The following NAV3 variants were observed in gnomAD, a reference collection of about 807,000 sequenced individuals.
NAV3 encodes pore membrane and/or filament interacting like protein 1.
In NAV3, 87 loss-of-function variants were observed where a neutral mutation model predicts 244.7. That is an observed-to-expected ratio of 0.36 (90% confidence interval 0.30 to 0.42). NAV3 has a LOEUF of 0.42. Ranked by LOEUF, NAV3 falls within the 20% of genes least tolerant of loss-of-function variation. The pLI is 1.00. For missense variants in NAV3, 2,663 were observed against 2,893.3 expected, an observed-to-expected ratio of 0.92 and a Z score of 1.83; for synonymous variants, 1,126 against 1,042.2, an observed-to-expected ratio of 1.08 and a Z score of -1.55.
chr12:77,780,706 T>A (rs1264174479), intron 2 of NAV3, among the ~76,000 whole-genome samples: 2 of 152,178 alleles, frequency 1.3e-5, no homozygotes, highest in Non-Finnish European at 2.9e-5. Context: ...AAAAAGATGG[T>A]TCCCAGGCCC....
rs562966167 is a variant in NAV3 at position 77,734,885 on chromosome 12, G to A, written c.72+162619G>A. Among the ~76,000 whole-genome samples the A allele has an allele frequency of 6.4e-4, 98 of 152,288 alleles. 1 individual carries two copies. The highest frequency in any genetic ancestry group is 2.1e-3 in the African/African-American group (89 of 41,568). On this transcript the variant is annotated intron_variant, in intron 2 of 8. Coordinates refer to the NAV3 transcript ENST00000550042. ...ACAGAATTACTACTGAAGGGCAGGA[G>A]CAAGGTTATTTCCTTCATTTGCTTT...
intron 2 of NAV3, among the ~76,000 whole-genome samples, chr12:77,702,841 T>TAGTCTGTATTTCATATA: frequency 6.6e-6 from 1 of 151,532 alleles, no homozygotes; most frequent in Non-Finnish European, 1.5e-5. Context: ...ATTTTGTATT[T>TAGTCTGTATTTCATATA]GCCTCTATAT....
At chr12:77,828,227 GTC>G (rs967107345), upstream of NAV3, among the ~76,000 whole-genome samples, 2 of 152,086 alleles carry the variant, frequency 1.3e-5, no homozygotes, top group African/African-American at 2.4e-5. Context: ...GGCCCTTTCT[GTC>G]TCTCTTATAT....
At chr12:78,044,767 C>T (rs564677931) in intron 9 of NAV3, among the ~76,000 whole-genome samples, 1 of 152,018 alleles carries the variant, frequency 6.6e-6, no homozygotes, top group Non-Finnish European at 1.5e-5. Flanking sequence ...TTGTGATTTT[C>T]GCATGTTGAT....
chr12:77,828,014 C>A (rs1420360551), upstream of NAV3, among the ~76,000 whole-genome samples: 1 of 152,114 alleles, frequency 6.6e-6, no homozygotes, highest in Non-Finnish European at 1.5e-5. Flanking sequence ...AGACCTTTCC[C>A]TCTCCCTCGT....
At chr12:78,013,052 C>T (rs1440087320) in intron 8 of NAV3, among the ~76,000 whole-genome samples, 1 of 152,124 alleles carries the variant, frequency 6.6e-6, no homozygotes, top group Non-Finnish European at 1.5e-5. Flanking sequence ...TCTGAAGTCT[C>T]TCACTTCCTA....
intron 2 of NAV3, among the ~76,000 whole-genome samples, chr12:77,674,169 T>A (rs977934046): frequency 6.6e-6 from 1 of 152,194 alleles, no homozygotes; most frequent in Non-Finnish European, 1.5e-5. Flanking sequence ...TAGGTTTTCT[T>A]CATACAACTC....
chr12:78,053,644 G>T (rs1419643452), intron 11 of NAV3, among the ~76,000 whole-genome samples: 1 of 152,042 alleles, frequency 6.6e-6, no homozygotes, highest in African/African-American at 2.4e-5. Flanking sequence ...AAGTTTGGGG[G>T]CCACTTTAAA....
chr12:77,641,920 A>G (rs1475504330), intron 2 of NAV3, among the ~76,000 whole-genome samples: 1 of 152,150 alleles, frequency 6.6e-6, no homozygotes, highest in Non-Finnish European at 1.5e-5. Context: ...AATGAAATGC[A>G]TGGAGCTATC....
chr12:77,915,370 G>T (rs962755231), intron 1 of NAV3, among the ~76,000 whole-genome samples: 3 of 151,962 alleles, frequency 2.0e-5, no homozygotes, highest in Non-Finnish European at 2.9e-5. Context: ...GCAAAGAGCT[G>T]TGGAGTTTGT....
chr12:77,857,559 A>T (rs984181581), intron 1 of NAV3, among the ~76,000 whole-genome samples: 5 of 151,844 alleles, frequency 3.3e-5, no homozygotes, highest in African/African-American at 1.2e-4. Flanking sequence ...TAAATATTTA[A>T]ATATTATCAT....
intron 9 of NAV3, chr12:78,037,356 C>G (rs1185496948): frequency 1.4e-6 from 1 of 702,816 alleles, no homozygotes; most frequent in Non-Finnish European, 2.6e-6. Context: ...GCTGGGTGAT[C>G]TAGAACAGGC....
intron 2 of NAV3, among the ~76,000 whole-genome samples, chr12:77,719,503 GT>G (rs1876514686): frequency 6.6e-6 from 1 of 151,794 alleles, no homozygotes; most frequent in Admixed American, 6.6e-5. Context: ...TACACTGAGT[GT>G]TTTTATGAAA....
chr12:77,601,574 TG>T (rs1308702580), intron 2 of NAV3, among the ~76,000 whole-genome samples: 1 of 151,948 alleles, frequency 6.6e-6, no homozygotes, highest in East Asian at 1.9e-4. Context: ...TAGGAGCATG[TG>T]GTGCATAGTA....
chr12:77,902,026 C>G (rs1399369673), intron 1 of NAV3, among the ~76,000 whole-genome samples: 1 of 152,176 alleles, frequency 6.6e-6, no homozygotes, highest in African/African-American at 2.4e-5. Context: ...AAAATTGTCT[C>G]TACCTTTACC....
intron 3 of NAV3, among the ~76,000 whole-genome samples, chr12:77,957,386 G>A (rs985523624): frequency 2.0e-5 from 3 of 152,218 alleles, no homozygotes; most frequent in Non-Finnish European, 4.4e-5. Flanking sequence ...ACTATAAGGA[G>A]GTTATTAATC....
intron 1 of NAV3, among the ~76,000 whole-genome samples, chr12:77,900,075 A>ATTTT (rs201444499): frequency 7.9e-6 from 1 of 127,296 alleles, no homozygotes; most frequent in South Asian, 2.5e-4. Flanking sequence ...ATTGTTCTCA[A>ATTTT]TTTTTTTTTT....
intron 1 of NAV3, among the ~76,000 whole-genome samples, chr12:77,919,469 G>T (rs766909050): frequency 6.6e-6 from 1 of 151,978 alleles, no homozygotes; most frequent in East Asian, 1.9e-4. Context: ...TTGCAACTCC[G>T]TATCTGTGGA....
At chr12:77,994,765 A>G (rs1872068202) in intron 5 of NAV3, 38 bp from the exon 6 acceptor site, 1 of 1,521,344 alleles carries the variant, frequency 6.6e-7, no homozygotes, top group Non-Finnish European at 9.0e-7. Context: ...TGTTCAAAGA[A>G]TCTCTTTAAT....
Sources: gnomAD v4.1 joint callset for allele counts (sites outside exome capture counted in the v4.1 genomes callset) on GRCh38, gnomAD v4.1.1 for gene constraint, MANE v1.5 for transcripts, NCBI Gene and HGNC (gene_info 2026-07-23, HGNC 2026-07-21) for gene names.